MAEL: variants seen among roughly 807,000 people sequenced by gnomAD.
MAEL encodes the protein protein maelstrom homolog.
Under a neutral mutation model 62.0 loss-of-function variants are expected in MAEL, and 46 were observed. The ratio of observed to expected loss-of-function variants is 0.74; its 90% CI spans 0.59 to 0.95. The LOEUF is 0.95. Ranked by LOEUF, MAEL falls within the 40% of genes least tolerant of loss-of-function variation. The pLI is 0.00. For missense variants in MAEL, 497 were observed against 526.8 expected (o/e 0.94, Z 0.55); for synonymous variants, 172 against 175.5 (o/e 0.98, Z 0.16).
At chr1:166,982,078 T>C (rs891627404) in intron 1 of MAEL, among the ~76,000 whole-genome samples, 9 of 152,040 alleles carry the variant, frequency 5.9e-5, no homozygotes, top group South Asian at 2.1e-4. Flanking sequence ...GAGAAAGACA[T>C]TGCAAGGAGT....
At chr1:167,017,981 G>C (rs369625107) in intron 10 of MAEL, 22 bp downstream of exon 10, 4 of 1,610,408 alleles carry the variant, frequency 2.5e-6, no homozygotes, top group African/African-American at 1.3e-5. Flanking sequence ...ACTTTTAAGA[G>C]CTGCTGGTCT....
intron 1 of MAEL, among the ~76,000 whole-genome samples, chr1:166,981,064 G>C (rs1466963533): frequency 6.6e-6 from 1 of 152,154 alleles, no homozygotes; most frequent in East Asian, 1.9e-4. Flanking sequence ...GAATGAGAAG[G>C]CCAGAACATG....
rs1433178955 is a variant in MAEL, at chr1:166,989,501, G to A, written c.132+17G>A. 5.1e-6 allele frequency: 8 copies of A among 1,579,850 alleles called. No homozygotes were observed. The highest frequency in any genetic ancestry group is 1.7e-4 in the Middle Eastern group (1 of 6,034). On this transcript the variant is annotated intron_variant, in intron 1 of 11. Coordinates refer to ENST00000367872, the MANE Select transcript of MAEL (RefSeq NM_032858.3). ...GACTGGGCGGTAAGGCTGGAGCGGA[G>A]TGAGAGGGCTGGGCAGGGCAGTTGG...
chr1:166,989,572 C>T, intron 1 of MAEL, 88 bp downstream of exon 1: 1 of 1,526,546 alleles, frequency 6.6e-7, no homozygotes. Flanking sequence ...TCGAGGAGGT[C>T]AGGCGGCTTG....
intron 5 of MAEL, among the ~76,000 whole-genome samples, chr1:167,000,670 GAGTC>G (rs1664623950): frequency 6.6e-6 from 1 of 152,200 alleles, no homozygotes; most frequent in Admixed American, 6.5e-5. Flanking sequence ...ATGAGAGGAA[GAGTC>G]AGTCAGTGTG....
Position 167,003,725 on chromosome 1 carries a change from G to A in MAEL, c.524-455G>A, listed in dbSNP as rs187670371. ...TCCTCACGCTTTTTTATTTTCTGTG[G>A]GAAAGTTGGTCTAAATTACTTGGTC... On this transcript the variant is annotated intron_variant, in intron 5 of 11. Coordinates refer to ENST00000367872, the MANE Select transcript of MAEL (RefSeq NM_032858.3). Among the ~76,000 whole-genome samples, 45 of 152,124 alleles carry A rather than the reference G, an allele frequency of 3.0e-4. No individual in the cohort carries two copies. In the East Asian group the frequency reaches 7.3e-3, roughly 25 times the overall value.
At chr1:167,017,675 A>T in intron 9 of MAEL, 152 bp from the exon 10 acceptor site, 1 of 588,036 alleles carries the variant, frequency 1.7e-6, no homozygotes, top group Non-Finnish European at 2.8e-6. Flanking sequence ...ATTGCTATTT[A>T]TTTATATGTC....
chr1:166,979,789 C>G (rs1336746239), intron 1 of MAEL, among the ~76,000 whole-genome samples: 1 of 152,158 alleles, frequency 6.6e-6, no homozygotes, highest in Non-Finnish European at 1.5e-5. Flanking sequence ...AAAGCTAGAT[C>G]CTGCTCAACA....
chr1:167,014,813 A>G (rs1665320060), intron 8 of MAEL, among the ~76,000 whole-genome samples: 2 of 152,152 alleles, frequency 1.3e-5, no homozygotes, highest in Admixed American at 1.3e-4. Context: ...ACCTGAGGTC[A>G]GCAGTTCGAG....
chr1:167,021,564 T>C, intron 11 of MAEL, 104 bp from the exon 12 acceptor site: 1 of 748,592 alleles, frequency 1.3e-6, no homozygotes, highest in Non-Finnish European at 2.1e-6. Flanking sequence ...GAATTATGGC[T>C]TAGTGAAAGG....
chr1:166,983,639 A>G (rs1336804635), intron 1 of MAEL, among the ~76,000 whole-genome samples: 6 of 152,208 alleles, frequency 3.9e-5, no homozygotes, highest in South Asian at 4.1e-4. Context: ...AAAAAAATCA[A>G]TCTGGTTGGA....
chr1:167,018,545 G>A (rs186564349), intron 10 of MAEL, among the ~76,000 whole-genome samples: 6 of 152,088 alleles, frequency 3.9e-5, no homozygotes, highest in Non-Finnish European at 7.4e-5. Context: ...CAATAATAGG[G>A]GCTAGTATTT....
At chr1:167,003,377 A>G (rs926438179) in intron 5 of MAEL, among the ~76,000 whole-genome samples, 1 of 152,100 alleles carries the variant, frequency 6.6e-6, no homozygotes, top group Non-Finnish European at 1.5e-5. Context: ...TGTCAACTAT[A>G]TATTTGTTCT....
rs558834957 is a variant in MAEL, at chr1:166,997,987, A to G, written c.523+3918A>G. ...TACCCCAATATGTAGTGCCACCTGT[A>G]TCATATCATGTTTCTGTTTGTGTGT... On this transcript the variant is annotated intron_variant, in intron 5 of 11. Coordinates refer to ENST00000367872, the MANE Select transcript of MAEL (RefSeq NM_032858.3). 2.3e-3 allele frequency among the ~76,000 whole-genome samples: 346 copies of G among 152,272 alleles called. 4 individuals are homozygous for G. Among genetic ancestry groups the G allele is most frequent in the African/African-American group, 7.9e-3 (330 of 41,546 alleles).
At chr1:167,015,423 C>T (rs971149809) in intron 8 of MAEL, among the ~76,000 whole-genome samples, 1 of 152,114 alleles carries the variant, frequency 6.6e-6, no homozygotes. Context: ...GGACTTTTTA[C>T]ACTGTTTAGT....
intron 9 of MAEL, among the ~76,000 whole-genome samples, chr1:167,017,529 G>T (rs957811721): frequency 2.0e-5 from 3 of 152,044 alleles, no homozygotes; most frequent in Non-Finnish European, 1.5e-5. Context: ...TATTTCTGCC[G>T]CTGCCCTCTC....
rs140316680 is a variant in MAEL at position 166,996,098 on chromosome 1, G to A, written c.523+2029G>A. Among the ~76,000 whole-genome samples the A allele has an allele frequency of 2.3e-3, 346 of 152,262 alleles. 4 individuals are homozygous for A. The highest frequency in any genetic ancestry group is 7.9e-3 in the African/African-American group (330 of 41,560). On this transcript the variant is annotated intron_variant, in intron 5 of 11. Coordinates refer to ENST00000367872, the MANE Select transcript of MAEL (RefSeq NM_032858.3). ...CCAATTTGATAATCCCGGGAAATGT[G>A]CCAATTAAATAAGATAAAAATGACT...
intron 5 of MAEL, among the ~76,000 whole-genome samples, chr1:166,994,996 T>TG (rs1664357566): frequency 6.7e-6 from 1 of 148,866 alleles, no homozygotes; most frequent in Non-Finnish European, 1.5e-5. Context: ...TTTTTTTTTT[T>TG]GCTTAGAAAC....
chr1:166,979,003 G>A (rs1352902854), intron 1 of MAEL, among the ~76,000 whole-genome samples: 1 of 152,218 alleles, frequency 6.6e-6, no homozygotes, highest in Non-Finnish European at 1.5e-5. Context: ...TTAGGACACA[G>A]AGAAAAGAGA....
Sources: gnomAD v4.1 joint callset for allele counts (sites outside exome capture counted in the v4.1 genomes callset) on GRCh38, gnomAD v4.1.1 for gene constraint, MANE v1.5 for transcripts, NCBI Gene and HGNC (gene_info 2026-07-23, HGNC 2026-07-21) for gene names.